The following DIAPH2 variants were observed in gnomAD, a reference collection of about 807,000 sequenced individuals.
The protein encoded by DIAPH2 is protein diaphanous homolog 2.
DIAPH2 carries 35 observed loss-of-function variants against 92.7 expected under a neutral mutation model. The ratio of observed to expected loss-of-function variants is 0.38; its 90% CI spans 0.29 to 0.50. DIAPH2 has a LOEUF of 0.50. Ranked by LOEUF, DIAPH2 falls within the 20% of genes least tolerant of loss-of-function variation. The pLI is 0.94. For synonymous variants in DIAPH2, 301 were observed against 280.4 expected (o/e 1.07, Z -0.73); for missense variants, 701 against 819.5 (o/e 0.86, Z 1.77).
At chrX:97,220,967 AAC>A (rs2067919859) in intron 22 of DIAPH2, among the ~76,000 whole-genome samples, 1 of 111,726 alleles carries the variant, frequency 9.0e-6, no homozygotes, top group Non-Finnish European at 1.9e-5. Flanking sequence ...GTAATAATGA[AAC>A]AGTTTTGCTG....
chrX:97,344,735 C>T (rs150207425), intron 23 of DIAPH2, among the ~76,000 whole-genome samples: 1,334 of 111,914 alleles, frequency 0.012, 18 homozygotes, highest in African/African-American at 0.041. Context: ...AGTTTTTGTT[C>T]TATAAGAACA....
chrX:97,110,827 T>TA (rs2066974348), intron 20 of DIAPH2, among the ~76,000 whole-genome samples: 1 of 110,191 alleles, frequency 9.1e-6, no homozygotes, highest in Non-Finnish European at 1.9e-5. Context: ...ACTAAAAATA[T>TA]AAAAAATTAG....
intron 24 of DIAPH2, among the ~76,000 whole-genome samples, chrX:97,361,530 A>G (rs898926271): frequency 8.9e-6 from 1 of 112,408 alleles, no homozygotes; most frequent in Admixed American, 9.5e-5. Flanking sequence ...GCCTAGTGAC[A>G]TAAAACATAA....
rs56309139 is a variant in DIAPH2, at chrX:97,312,345, CTTTT to C, written c.2845-35747_2845-35744del. 8.0e-4 allele frequency among the ~76,000 whole-genome samples: 44 copies of C among 54,953 alleles called. 2 individuals carry two copies. Among genetic ancestry groups the C allele is most frequent in the African/African-American group, 3.1e-3 (40 of 12,922 alleles). 47.7% of individuals were successfully genotyped at this position (54,953 alleles called of 115,157 possible). A position where few individuals can be genotyped will look rare whatever the true frequency, so the allele number is the denominator to read the frequency against. ...TTGATCACTTTTGATCAATAGAATC[CTTTT>C]TTTTTTTTTTTTTTTTTTTTTTTGA... is the stretch of plus-strand genomic sequence containing the variant. On this transcript the variant is annotated intron_variant, in intron 23 of 26. Transcript: ENST00000324765.
At chrX:96,948,772 A>T (rs904469204) in intron 14 of DIAPH2, among the ~76,000 whole-genome samples, 163 bp from the exon 15 acceptor site, 1 of 110,680 alleles carries the variant, frequency 9.0e-6, no homozygotes, top group East Asian at 2.8e-4. Context: ...CCCCACCTCC[A>T]CTTGGATACT....
At chrX:97,360,999 A>G (rs1426328970) in intron 24 of DIAPH2, among the ~76,000 whole-genome samples, 2 of 108,682 alleles carry the variant, frequency 1.8e-5, no homozygotes, top group Admixed American at 2.0e-4. Flanking sequence ...CCTCTTGAGT[A>G]GCTAGGACTA....
At chrX:96,965,016 T>A in intron 16 of DIAPH2, 77 bp from the exon 17 acceptor site, 1 of 1,034,180 alleles carries the variant, frequency 9.7e-7, no homozygotes, top group Non-Finnish European at 1.3e-6. Flanking sequence ...TCATTCAACC[T>A]TGCTGAAAGT....
intron 22 of DIAPH2, among the ~76,000 whole-genome samples, chrX:97,212,591 T>TG (rs1491362481): frequency 4.0e-5 from 1 of 25,206 alleles, no homozygotes; most frequent in Non-Finnish European, 1.3e-4. Flanking sequence ...GGGTTTTTTG[T>TG]TTTTTTTTTT....
intron 5 of DIAPH2, among the ~76,000 whole-genome samples, chrX:96,898,426 T>C (rs2065364105): frequency 1.3e-5 from 1 of 76,370 alleles, no homozygotes; most frequent in Admixed American, 1.4e-4. Context: ...TTCTAACTGG[T>C]GTGAGATGGT....
At chrX:96,876,124 G>C (rs1196173880) in intron 4 of DIAPH2, among the ~76,000 whole-genome samples, 2 of 111,996 alleles carry the variant, frequency 1.8e-5, no homozygotes, top group African/African-American at 3.2e-5. Context: ...CTTCTCAAAA[G>C]AAGACATTTA....
intron 21 of DIAPH2, among the ~76,000 whole-genome samples, chrX:97,139,323 T>TTA (rs1168318900): frequency 2.4e-3 from 251 of 106,562 alleles, no homozygotes; most frequent in Middle Eastern, 4.8e-3. Flanking sequence ...TATTTTAATA[T>TTA]TATATATATA....
chrX:96,743,641 G>T (rs2064132623), intron 3 of DIAPH2, among the ~76,000 whole-genome samples: 1 of 111,647 alleles, frequency 9.0e-6, no homozygotes, highest in South Asian at 3.8e-4. Flanking sequence ...TAAAAATGTT[G>T]ATTTCATAGA....
At chrX:96,891,609 C>G (rs907522749) in intron 5 of DIAPH2, among the ~76,000 whole-genome samples, 2 of 112,135 alleles carry the variant, frequency 1.8e-5, no homozygotes, top group Non-Finnish European at 3.8e-5. Context: ...CAAAGAAATA[C>G]GTAGCAATAG....
chrX:97,298,453 A>G (rs940999073), intron 23 of DIAPH2, among the ~76,000 whole-genome samples: 3 of 109,951 alleles, frequency 2.7e-5, no homozygotes, highest in Non-Finnish European at 5.7e-5. Context: ...CCATGATAAG[A>G]TTTAAAAAGT....
At chrX:96,859,092 T>G (rs933928999) in intron 4 of DIAPH2, among the ~76,000 whole-genome samples, 1 of 111,606 alleles carries the variant, frequency 9.0e-6, no homozygotes, top group Non-Finnish European at 1.9e-5. Context: ...AATTTTAAAT[T>G]AAATATTTAG....
intron 26 of DIAPH2, among the ~76,000 whole-genome samples, chrX:97,480,281 A>G (rs1181667359): frequency 8.9e-6 from 1 of 111,973 alleles, no homozygotes; most frequent in Non-Finnish European, 1.9e-5. Context: ...ACTGCCAAGG[A>G]ATCCCAAGGA....
At chrX:97,088,196 G>C (rs1461761282) in intron 19 of DIAPH2, among the ~76,000 whole-genome samples, 1 of 111,736 alleles carries the variant, frequency 8.9e-6, no homozygotes, top group Non-Finnish European at 1.9e-5. Context: ...TGTGCATTAC[G>C]TTACTTACAT....
intron 24 of DIAPH2, among the ~76,000 whole-genome samples, chrX:97,370,371 TAGTA>T (rs752759858): frequency 1.5e-3 from 170 of 111,230 alleles, no homozygotes; most frequent in Non-Finnish European, 3.0e-3. Context: ...AGTTAGGAAT[TAGTA>T]AGATATAAAT....
At chrX:97,185,411 G>GTATATATATGTGTATATATATATGTGTA (rs1569323163) in intron 22 of DIAPH2, among the ~76,000 whole-genome samples, 2 of 26,650 alleles carry the variant, frequency 7.5e-5, no homozygotes, top group Non-Finnish European at 1.2e-4. Flanking sequence ...ATATATATAT[G>GTATATATATGTGTATATATATATGTGTA]TATATATATA....
Sources: gnomAD v4.1 joint callset for allele counts (sites outside exome capture counted in the v4.1 genomes callset) on GRCh38, gnomAD v4.1.1 for gene constraint, MANE v1.5 for transcripts, NCBI Gene and HGNC (gene_info 2026-07-23, HGNC 2026-07-21) for gene names.